The following DPF3 variants were observed in gnomAD, a reference collection of about 807,000 sequenced individuals.
The protein encoded by DPF3 is double PHD fingers 3.
A neutral mutation model predicts 56.8 loss-of-function variants in DPF3; 18 were observed. The observed-to-expected ratio is 0.32, with a 90% CI of 0.22 to 0.47. DPF3 has a LOEUF of 0.47. Ranked by LOEUF, DPF3 falls within the 20% of genes least tolerant of loss-of-function variation. DPF3 has a pLI of 1.00. For missense variants in DPF3, 403 were observed against 488.8 expected (o/e 0.82, Z 1.65); for synonymous variants, 188 against 180.2 (o/e 1.04, Z -0.35).
intron 2 of DPF3, among the ~76,000 whole-genome samples, chr14:72,754,088 C>T (rs948379010): frequency 2.0e-5 from 3 of 152,114 alleles, no homozygotes; most frequent in African/African-American, 7.2e-5. Flanking sequence ...ACACCAACAG[C>T]ATCACTGTCA....
chr14:72,663,314 A>G (rs1310722946), intron 8 of DPF3, among the ~76,000 whole-genome samples: 1 of 152,148 alleles, frequency 6.6e-6, no homozygotes, highest in Non-Finnish European at 1.5e-5. Context: ...TATAGAACCA[A>G]TTCAGCCACA....
rs1456952827 is a variant in DPF3 at position 72,610,632 on chromosome 14, C to A, written c.*8665G>T. 6.6e-6 allele frequency among the ~76,000 whole-genome samples: 1 copy of A among 152,190 alleles called. No individual in the cohort carries two copies. Among genetic ancestry groups the A allele is most frequent in the Non-Finnish European group, 1.5e-5 (1 of 68,042 alleles). On this transcript the variant is annotated 3_prime_UTR_variant, in exon 11 of 11. Transcript: ENST00000556509. ...CTAGTTCTGGCTTTTGTGAATCGAC[C>A]GTGTGACGTAGACAGCACAGCATCA...
intron 8 of DPF3, among the ~76,000 whole-genome samples, chr14:72,651,136 T>A (rs533587742): frequency 6.6e-6 from 1 of 152,280 alleles, no homozygotes; most frequent in East Asian, 1.9e-4. Flanking sequence ...GAGCTAGAAC[T>A]GTAACCAGGT....
At chr14:72,738,853 T>C (rs974442776) in intron 3 of DPF3, among the ~76,000 whole-genome samples, 3 of 152,234 alleles carry the variant, frequency 2.0e-5, no homozygotes, top group Non-Finnish European at 1.5e-5. Context: ...AATGTATATA[T>C]ATATTTAAAC....
intron 3 of DPF3, among the ~76,000 whole-genome samples, chr14:72,747,131 A>T (rs972705308): frequency 2.0e-5 from 3 of 152,228 alleles, no homozygotes; most frequent in African/African-American, 7.2e-5. Context: ...CTCTGTCCAC[A>T]GTCTGATTTC....
intron 6 of DPF3, among the ~76,000 whole-genome samples, chr14:72,697,366 G>A (rs985055456): frequency 3.3e-5 from 5 of 152,132 alleles, no homozygotes; most frequent in East Asian, 3.9e-4. Context: ...GGGTGAGACC[G>A]TGCCAGGCAA....
At chr14:72,821,827 G>A (rs769639658) in intron 1 of DPF3, among the ~76,000 whole-genome samples, 3 of 141,240 alleles carry the variant, frequency 2.1e-5, no homozygotes, top group Non-Finnish European at 3.0e-5. Context: ...GTAACATGGC[G>A]AGAGCTCATC....
chr14:72,778,386 C>A (rs920332002), intron 1 of DPF3, among the ~76,000 whole-genome samples: 3 of 152,178 alleles, frequency 2.0e-5, no homozygotes, highest in African/African-American at 7.2e-5. Flanking sequence ...AGGTTGCCCA[C>A]TCCTTATGAG....
intron 1 of DPF3, among the ~76,000 whole-genome samples, chr14:72,875,376 C>A (rs1055391584): frequency 1.3e-5 from 2 of 152,154 alleles, no homozygotes; most frequent in Non-Finnish European, 2.9e-5. Flanking sequence ...CACTGCATTC[C>A]AGCCTGGGCA....
chr14:72,626,849 T>C (rs796357557), intron 9 of DPF3, among the ~76,000 whole-genome samples: 15 of 152,254 alleles, frequency 9.9e-5, no homozygotes, highest in African/African-American at 3.6e-4. Context: ...TATATTGTCA[T>C]ACTTTTCAAC....
intron 2 of DPF3, 126 bp downstream of exon 2, chr14:72,771,607 G>A (rs1466956868): frequency 1.8e-6 from 2 of 1,132,220 alleles, no homozygotes; most frequent in African/African-American, 3.2e-5. Context: ...TATCTCAGAG[G>A]CCCATGTGCA....
At chr14:72,643,146 T>C (rs574215874) in intron 8 of DPF3, among the ~76,000 whole-genome samples, 2 of 152,336 alleles carry the variant, frequency 1.3e-5, no homozygotes, top group African/African-American at 2.4e-5. Flanking sequence ...TGTCCTAGGA[T>C]GGCCAACCCA....
intron 7 of DPF3, chr14:72,679,113 T>C (rs1410335142): frequency 1.3e-5 from 2 of 152,208 alleles, no homozygotes; most frequent in African/African-American, 2.4e-5. Context: ...TTTATGTCTA[T>C]GGCAAACAAG....
chr14:72,888,624 C>T (rs138736079), intron 1 of DPF3, among the ~76,000 whole-genome samples: 1 of 152,180 alleles, frequency 6.6e-6, no homozygotes. Context: ...CATCCTCCCC[C>T]TACCCAAGGC....
chr14:72,662,666 C>T (rs1035896985), intron 8 of DPF3: 2 of 985,662 alleles, frequency 2.0e-6, no homozygotes, highest in African/African-American at 3.5e-5. Flanking sequence ...TTTTCCACTC[C>T]TGTGCTGGCT....
rs1161007205 is a variant in DPF3, at chr14:72,616,332, G to T, written c.*2965C>A. On this transcript the variant is annotated 3_prime_UTR_variant, in exon 11 of 11. Coordinates refer to ENST00000556509, the MANE Select transcript of DPF3 (RefSeq NM_001280542.3). Reference sequence around the variant, plus strand: ...TCTCAACTGCATTAATCTTATAGAAGGAGTATCCTGAGTACCTTCATTTTA... The same window carrying T: ...TCTCAACTGCATTAATCTTATAGAATGAGTATCCTGAGTACCTTCATTTTA... 1.3e-5 allele frequency among the ~76,000 whole-genome samples: 2 copies of T among 152,138 alleles called. No homozygotes were observed. The highest frequency in any genetic ancestry group is 4.8e-5 in the African/African-American group (2 of 41,422).
chr14:72,870,566 T>G (rs1408393824), intron 1 of DPF3, among the ~76,000 whole-genome samples: 1 of 152,250 alleles, frequency 6.6e-6, no homozygotes. Context: ...AAATCTTTCT[T>G]GAAGACTCTT....
chr14:72,655,052 C>T (rs1886024433), intron 8 of DPF3, among the ~76,000 whole-genome samples: 1 of 152,176 alleles, frequency 6.6e-6, no homozygotes, highest in Non-Finnish European at 1.5e-5. Context: ...AATGTTCATG[C>T]TGGCAATTCA....
intron 1 of DPF3, among the ~76,000 whole-genome samples, chr14:72,869,205 C>T (rs74439169): frequency 0.11 from 16,839 of 152,188 alleles, 1,014 homozygotes; most frequent in Non-Finnish European, 0.13. Context: ...AGAAAAGGTC[C>T]CCCTACTATA....
Sources: gnomAD v4.1 joint callset for allele counts (sites outside exome capture counted in the v4.1 genomes callset) on GRCh38, gnomAD v4.1.1 for gene constraint, MANE v1.5 for transcripts, NCBI Gene and HGNC (gene_info 2026-07-23, HGNC 2026-07-21) for gene names.